Variants in RERG observed in about 807,000 individuals in gnomAD.
The protein encoded by RERG is RAS like estrogen regulated growth inhibitor.
Under a neutral mutation model 23.2 loss-of-function variants are expected in RERG, and 25 were observed. The ratio of observed to expected loss-of-function variants is 1.08; its 90% CI spans 0.79 to 1.50. The LOEUF (loss-of-function observed/expected upper bound fraction) is 1.50. Among genes scored for constraint, RERG ranks in the 40% most tolerant of loss-of-function variants. The probability of loss-of-function intolerance (pLI) is 0.00; values close to 1 mark genes in which losing one functional copy is unlikely to be tolerated. For synonymous variants in RERG, 81 were observed against 89.1 expected, an observed-to-expected ratio of 0.91 and a Z score of 0.51; for missense variants, 253 against 250.1, an observed-to-expected ratio of 1.01 and a Z score of -0.08.
chr12:15,111,214 A>T, intron 4 of RERG, 130 bp downstream of exon 4: 1 of 629,412 alleles, frequency 1.6e-6, no homozygotes, highest in Non-Finnish European at 2.9e-6. Context: ...TAAAATGGCT[A>T]GTTAATTAGA....
chr12:15,160,155 C>T (rs1214194951), intron 2 of RERG, among the ~76,000 whole-genome samples: 2 of 151,830 alleles, frequency 1.3e-5, no homozygotes, highest in East Asian at 3.9e-4. Context: ...TATATATGTG[C>T]ATATATATAT....
chr12:15,187,938 T>C (rs569275243), intron 2 of RERG, among the ~76,000 whole-genome samples: 14 of 152,254 alleles, frequency 9.2e-5, no homozygotes, highest in African/African-American at 3.4e-4. Context: ...TTCTCCCTTT[T>C]ATTATCAGGA....
At chr12:15,187,109 A>T (rs976903289) in intron 2 of RERG, among the ~76,000 whole-genome samples, 2 of 152,182 alleles carry the variant, frequency 1.3e-5, no homozygotes, top group African/African-American at 4.8e-5. Flanking sequence ...ATTTCAGGCT[A>T]AACTGGAAGT....
intron 2 of RERG, among the ~76,000 whole-genome samples, chr12:15,172,931 C>A (rs1290134162): frequency 6.6e-6 from 1 of 151,928 alleles, no homozygotes; most frequent in African/African-American, 2.4e-5. Context: ...GTGAGTTTTT[C>A]TTTTACTTCC....
At chr12:15,209,557 C>T (rs1865338903) in intron 2 of RERG, among the ~76,000 whole-genome samples, 1 of 151,858 alleles carries the variant, frequency 6.6e-6, no homozygotes, top group Admixed American at 6.6e-5. Flanking sequence ...TAGAATACTG[C>T]ATTACAGGAG....
chr12:15,162,912 G>A (rs1407685415), intron 2 of RERG, among the ~76,000 whole-genome samples: 1 of 152,096 alleles, frequency 6.6e-6, no homozygotes, highest in African/African-American at 2.4e-5. Flanking sequence ...TATAACATAC[G>A]TTTATATTAT....
At chr12:15,161,230 CAG>C (rs1365025054) in intron 2 of RERG, among the ~76,000 whole-genome samples, 1 of 95,496 alleles carries the variant, frequency 1.0e-5, no homozygotes, top group Non-Finnish European at 2.4e-5. Context: ...AAGAAAGAAA[CAG>C]GGGCATCACT....
intron 2 of RERG, among the ~76,000 whole-genome samples, chr12:15,145,669 T>C (rs1233736117): frequency 6.6e-6 from 1 of 152,228 alleles, no homozygotes; most frequent in African/African-American, 2.4e-5. Flanking sequence ...CAGCTGTGCC[T>C]GACCAAATGA....
At chr12:15,152,951 TA>T (rs1320918187) in intron 2 of RERG, among the ~76,000 whole-genome samples, 1 of 152,188 alleles carries the variant, frequency 6.6e-6, no homozygotes, top group Non-Finnish European at 1.5e-5. Context: ...ATTTTCTTGT[TA>T]AATTAATATG....
intron 2 of RERG, among the ~76,000 whole-genome samples, chr12:15,158,998 G>T (rs1047177649): frequency 4.6e-5 from 7 of 152,148 alleles, no homozygotes; most frequent in Admixed American, 4.6e-4. Flanking sequence ...TCACTCATTA[G>T]TTTCAGCCTC....
At chr12:15,195,366 C>T (rs776146759) in intron 2 of RERG, among the ~76,000 whole-genome samples, 2 of 152,128 alleles carry the variant, frequency 1.3e-5, no homozygotes, top group African/African-American at 2.4e-5. Flanking sequence ...GCCAAGGGTG[C>T]CTGATTAGGG....
intron 2 of RERG, chr12:15,138,077 G>T: frequency 3.7e-6 from 1 of 269,868 alleles, no homozygotes; most frequent in Admixed American, 4.6e-5. Flanking sequence ...AAATGCTTCA[G>T]ATATTTCATT....
intron 2 of RERG, among the ~76,000 whole-genome samples, chr12:15,142,524 A>G (rs1208036656): frequency 2.0e-5 from 3 of 152,222 alleles, no homozygotes; most frequent in African/African-American, 4.8e-5. Context: ...CTTATTTATT[A>G]TACACATGAT....
chr12:15,141,394 G>A (rs111354647), intron 2 of RERG, among the ~76,000 whole-genome samples: 102 of 152,122 alleles, frequency 6.7e-4, no homozygotes, highest in African/African-American at 2.3e-3. Flanking sequence ...TCCTTCCTCA[G>A]CTGTGTCCAA....
At chr12:15,180,562 C>A (rs1262395223) in intron 2 of RERG, among the ~76,000 whole-genome samples, 4 of 152,196 alleles carry the variant, frequency 2.6e-5, no homozygotes, top group Non-Finnish European at 5.9e-5. Flanking sequence ...AAACCCCACA[C>A]CCATGAGACA....
intron 2 of RERG, among the ~76,000 whole-genome samples, chr12:15,141,646 G>A (rs1311270908): frequency 6.6e-6 from 1 of 152,126 alleles, no homozygotes; most frequent in African/African-American, 2.4e-5. Flanking sequence ...CTCTTTCCAG[G>A]TTTCAAAGTA....
chr12:15,133,146 G>GATATATATATATATATATATATAT (rs376565973), intron 2 of RERG, among the ~76,000 whole-genome samples: 29 of 125,200 alleles, frequency 2.3e-4, no homozygotes, highest in African/African-American at 8.7e-4. Flanking sequence ...ATCCTGTGGA[G>GATATATATATATATATATATATAT]ATATATATAT....
At chr12:15,161,202 GAAAGA>G (rs1864606995) in intron 2 of RERG, among the ~76,000 whole-genome samples, 2 of 146,116 alleles carry the variant, frequency 1.4e-5, no homozygotes, top group African/African-American at 2.6e-5. Context: ...AAGAAAGAAA[GAAAGA>G]AAGAAAGAAA....
chr12:15,204,814 C>T (rs1189979078), intron 2 of RERG, among the ~76,000 whole-genome samples: 1 of 151,788 alleles, frequency 6.6e-6, no homozygotes, highest in Non-Finnish European at 1.5e-5. Flanking sequence ...TAATAAATAG[C>T]TTACCAAATT....
Sources: allele counts gnomAD v4.1 joint callset (sites outside exome capture counted in the v4.1 genomes callset), GRCh38; gene constraint gnomAD v4.1.1; transcripts MANE v1.5; gene names NCBI Gene and HGNC (gene_info 2026-07-23, HGNC 2026-07-21).